Variants in TRIO observed in about 807,000 individuals in gnomAD.
TRIO encodes triple functional domain protein.
In TRIO, 58 loss-of-function variants were observed where a neutral mutation model predicts 351.9. The ratio of observed to expected loss-of-function variants is 0.16; its 90% confidence interval spans 0.13 to 0.21. The LOEUF (loss-of-function observed/expected upper bound fraction) is 0.21, where lower values mean the gene tolerates loss of function less well. Among genes scored for constraint, TRIO ranks in the 10% least tolerant of loss-of-function variants. The probability of loss-of-function intolerance (pLI) is 1.00; values close to 1 mark genes in which losing one functional copy is unlikely to be tolerated. For synonymous variants in TRIO, 1,758 were observed against 1,595.7 expected (o/e 1.10, Z -2.42); for missense variants, 3,201 against 4,027.8 (o/e 0.79, Z 5.56).
intron 21 of TRIO, among the ~76,000 whole-genome samples, chr5:14,382,853 G>C (rs554141817): frequency 1.5e-5 from 2 of 133,064 alleles, no homozygotes; most frequent in African/African-American, 5.6e-5. Flanking sequence ...GCGTGTGTGT[G>C]TCTGTGTGTG....
intron 1 of TRIO, among the ~76,000 whole-genome samples, chr5:14,178,694 T>C (rs989212437): frequency 1.3e-5 from 2 of 152,182 alleles, no homozygotes; most frequent in African/African-American, 2.4e-5. Flanking sequence ...TGTGAAGATA[T>C]TTATGACTCC....
rs377647192 is a variant in TRIO, at chr5:14,488,029, T to C, written c.7401T>C (p.Ser2467=). 6.3e-4 allele frequency: 1,017 copies of C among 1,602,164 alleles called. No homozygotes were observed. The highest frequency in any genetic ancestry group is 7.8e-4 in the Non-Finnish European group (916 of 1,175,744). ...LNSPLSSAVP[S]LGKEPFPPSS... is the part of the protein sequence containing the mutation. ...CGCCGCTCTCCAGCGCGGTCCCTTC[T>C]CTCGGCAAGGAGCCCTTCCCCCCCA... The change falls in exon 48 of 57, where the codon TCT becomes TCC. Residue 2467 remains serine (S), a synonymous_variant. Transcript: ENST00000344204.
At chr5:14,430,273 A>G (rs1454278925) in intron 34 of TRIO, among the ~76,000 whole-genome samples, 1 of 150,704 alleles carries the variant, frequency 6.6e-6, no homozygotes, top group East Asian at 1.9e-4. Flanking sequence ...ATCCATTCAT[A>G]TAAATTATAT....
intron 11 of TRIO, among the ~76,000 whole-genome samples, chr5:14,352,583 A>G (rs974499988): frequency 5.3e-5 from 8 of 152,244 alleles, no homozygotes; most frequent in Admixed American, 1.3e-4. Flanking sequence ...ATGTGTGCCC[A>G]TTCATCCCCA....
intron 34 of TRIO, among the ~76,000 whole-genome samples, chr5:14,438,407 T>A (rs1041263382): frequency 6.6e-6 from 1 of 152,248 alleles, no homozygotes; most frequent in Non-Finnish European, 1.5e-5. Flanking sequence ...TTTAACCTCA[T>A]TGTCCCCTTT....
At chr5:14,245,217 G>T (rs573115123) in intron 1 of TRIO, among the ~76,000 whole-genome samples, 9 of 152,282 alleles carry the variant, frequency 5.9e-5, no homozygotes, top group African/African-American at 2.2e-4. Context: ...TTTAAATTAG[G>T]TTATTGTAAA....
intron 48 of TRIO, 64 bp downstream of exon 48, chr5:14,488,324 C>T (rs750177725): frequency 6.7e-7 from 1 of 1,502,956 alleles, no homozygotes; most frequent in African/African-American, 1.4e-5. Flanking sequence ...GCTCTAAACG[C>T]CACCGCGGCT....
intron 1 of TRIO, among the ~76,000 whole-genome samples, chr5:14,211,590 G>GTTTTTTT (rs33992664): frequency 4.2e-4 from 50 of 119,990 alleles, no homozygotes; most frequent in African/African-American, 1.6e-3. Flanking sequence ...ACACTCAGTT[G>GTTTTTTT]TTTTTTTTTT....
At chr5:14,477,362 GA>G (rs1291185385) in intron 41 of TRIO, 1 of 154,824 alleles carries the variant, frequency 6.5e-6, no homozygotes. Flanking sequence ...TGTTTTTTGG[GA>G]AAAATCATGA....
At chr5:14,454,978 C>A (rs951985643) in intron 34 of TRIO, among the ~76,000 whole-genome samples, 1 of 149,224 alleles carries the variant, frequency 6.7e-6, no homozygotes, top group African/African-American at 2.5e-5. Context: ...GGTGGCACGT[C>A]TGGAGTTGTT....
intron 31 of TRIO, among the ~76,000 whole-genome samples, chr5:14,404,033 GT>G (rs1192366995): frequency 9.8e-4 from 134 of 137,118 alleles, no homozygotes; most frequent in Non-Finnish European, 1.4e-3. Flanking sequence ...GTAGGTTGTG[GT>G]GGTGAGGGTG....
intron 1 of TRIO, among the ~76,000 whole-genome samples, chr5:14,205,190 TCTG>T (rs1282075418): frequency 6.6e-6 from 1 of 152,226 alleles, no homozygotes; most frequent in East Asian, 1.9e-4. Context: ...GCAGGAAGTG[TCTG>T]CTTTCTGGCC....
At chr5:14,232,687 C>A (rs1376950213) in intron 1 of TRIO, among the ~76,000 whole-genome samples, 1 of 152,166 alleles carries the variant, frequency 6.6e-6, no homozygotes, top group Non-Finnish European at 1.5e-5. Flanking sequence ...AGGTGTGTAT[C>A]CTTTGAGCTA....
intron 10 of TRIO, among the ~76,000 whole-genome samples, chr5:14,335,197 C>G (rs1321264650): frequency 6.6e-6 from 1 of 152,220 alleles, no homozygotes; most frequent in African/African-American, 2.4e-5. Flanking sequence ...CTCCCATTAT[C>G]CCTCAGGTAT....
chr5:14,164,619 C>G (rs1462522152), intron 1 of TRIO, among the ~76,000 whole-genome samples: 1 of 150,794 alleles, frequency 6.6e-6, no homozygotes, highest in Non-Finnish European at 1.5e-5. Context: ...AATGGCCTCT[C>G]AACGTACTGG....
At chr5:14,149,489 C>T (rs182451581) in intron 1 of TRIO, among the ~76,000 whole-genome samples, 2 of 152,278 alleles carry the variant, frequency 1.3e-5, no homozygotes, top group East Asian at 3.9e-4. Flanking sequence ...AAGGAAGCCC[C>T]TTGAAACCCA....
chr5:14,414,288 A>G (rs907553457), intron 33 of TRIO, among the ~76,000 whole-genome samples: 8 of 152,244 alleles, frequency 5.3e-5, no homozygotes, highest in Non-Finnish European at 8.8e-5. Context: ...GCAAGAGTAC[A>G]ATGTTGGTCC....
intron 27 of TRIO, among the ~76,000 whole-genome samples, chr5:14,391,542 CTG>C (rs773917126): frequency 8.5e-5 from 13 of 152,224 alleles, no homozygotes; most frequent in Non-Finnish European, 1.6e-4. Flanking sequence ...TACAGGTCAT[CTG>C]TGTTTTGAAA....
intron 1 of TRIO, among the ~76,000 whole-genome samples, chr5:14,170,763 C>T (rs1429353329): frequency 6.6e-6 from 1 of 152,118 alleles, no homozygotes; most frequent in African/African-American, 2.4e-5. Flanking sequence ...CCTTCGCTTC[C>T]CAAAGTGCTG....
Sources: allele counts gnomAD v4.1 joint callset (sites outside exome capture counted in the v4.1 genomes callset), GRCh38; gene constraint gnomAD v4.1.1; transcripts MANE v1.5; gene names NCBI Gene and HGNC (gene_info 2026-07-23, HGNC 2026-07-21).